SLC36A1: variants seen among roughly 807,000 people sequenced by gnomAD.
The protein encoded by SLC36A1 is solute carrier family 36 member 1, also known as proton-coupled amino acid transporter 1.
A neutral mutation model predicts 47.5 loss-of-function variants in SLC36A1; 30 were observed. The observed-to-expected ratio is 0.63, with a 90% CI of 0.47 to 0.86. The LOEUF is 0.86. Among genes scored for constraint, SLC36A1 ranks in the 40% least tolerant of loss-of-function variants. The pLI is 0.00. For synonymous variants in SLC36A1, 255 were observed against 249.7 expected (o/e 1.02, Z -0.20); for missense variants, 517 against 606.0 (o/e 0.85, Z 1.54).
chr5:151,366,368 G>A, the SLC36A1 span: 1 of 170,704 alleles, frequency 5.9e-6, no homozygotes, highest in Non-Finnish European at 1.3e-5. Context: ...AGCGGGAAAT[G>A]TTGAGTTGAA....
rs1759831313 is a variant in SLC36A1, at chr5:151,488,280, C to T, written c.*26C>T. 6.2e-7 allele frequency: 1 copy of T among 1,608,482 alleles called. No homozygotes were observed. On this transcript the variant is annotated 3_prime_UTR_variant, in exon 11 of 11. Transcript: ENST00000243389. Reference sequence around the variant, plus strand: ...GGATCTGGGTTCGTCTCTGCAGCTGCCTACCCCTGCCCCATGTGTCCCCCG... The same window carrying T: ...GGATCTGGGTTCGTCTCTGCAGCTGTCTACCCCTGCCCCATGTGTCCCCCG...
At chr5:151,362,794 C>G in the SLC36A1 span, among the ~76,000 whole-genome samples, 23,571 of 152,196 alleles carry the variant, frequency 0.15, 5,171 homozygotes, top group African/African-American at 0.49. Flanking sequence ...CTAAATATCT[C>G]AATCTCTTTG....
the SLC36A1 span, among the ~76,000 whole-genome samples, chr5:151,375,564 AT>A: frequency 6.6e-6 from 1 of 152,138 alleles, no homozygotes; most frequent in South Asian, 2.1e-4. Context: ...GGGGTTCCAT[AT>A]AAATTTTAAG....
chr5:151,546,057 A>G, the SLC36A1 span: 3 of 1,614,224 alleles, frequency 1.9e-6, no homozygotes, highest in South Asian at 2.2e-5. Flanking sequence ...ACTCATAGGT[A>G]ACTTCAGAGG....
chr5:151,545,046 C>T, the SLC36A1 span: 72 of 1,614,182 alleles, frequency 4.5e-5, 1 homozygote, highest in Admixed American at 5.2e-4. Flanking sequence ...CCCGGTCAAA[C>T]GCCACACCTC....
the SLC36A1 span, among the ~76,000 whole-genome samples, chr5:151,396,393 GC>G: frequency 6.6e-6 from 1 of 152,086 alleles, no homozygotes; most frequent in Non-Finnish European, 1.5e-5. Context: ...GAGCCACCAT[GC>G]CCGGCCTTCT....
At chr5:151,492,417 T>TTTTC, downstream of SLC36A1, 1 of 151,832 alleles carries the variant, frequency 6.6e-6, no homozygotes, top group Non-Finnish European at 1.5e-5. Flanking sequence ...TTTCTTTTTA[T>TTTTC]ATCACTCAGA....
chr5:151,379,690 C>A, the SLC36A1 span, among the ~76,000 whole-genome samples: 1 of 152,168 alleles, frequency 6.6e-6, no homozygotes, highest in Non-Finnish European at 1.5e-5. Context: ...TAAATTTTAA[C>A]ATTATATTTA....
chr5:151,437,917 T>G (rs1430585208), intron 1 of SLC36A1, among the ~76,000 whole-genome samples: 1 of 152,152 alleles, frequency 6.6e-6, no homozygotes, highest in Non-Finnish European at 1.5e-5. Flanking sequence ...TCTAGAGGCC[T>G]CCTGCGTTTC....
At chr5:151,372,403 G>T in the SLC36A1 span, among the ~76,000 whole-genome samples, 1 of 151,800 alleles carries the variant, frequency 6.6e-6, no homozygotes, top group South Asian at 2.1e-4. Context: ...ATGGAAATGT[G>T]AGTAATAAAA....
At chr5:151,417,809 G>A in the SLC36A1 span, among the ~76,000 whole-genome samples, 6 of 152,342 alleles carry the variant, frequency 3.9e-5, no homozygotes, top group African/African-American at 1.4e-4. Context: ...TAAGCAATAA[G>A]GAGCCAAATG....
At chr5:151,417,458 A>AT in the SLC36A1 span, among the ~76,000 whole-genome samples, 1 of 152,064 alleles carries the variant, frequency 6.6e-6, no homozygotes, top group East Asian at 1.9e-4. Context: ...CCACGAAACC[A>AT]TTTTTTCCTC....
chr5:151,507,834 C>T, the SLC36A1 span, among the ~76,000 whole-genome samples: 2 of 152,164 alleles, frequency 1.3e-5, no homozygotes, highest in Non-Finnish European at 2.9e-5. Context: ...CCATTAGGAT[C>T]TGGGAATGTC....
the SLC36A1 span, among the ~76,000 whole-genome samples, chr5:151,416,653 A>T: frequency 2.0e-5 from 3 of 152,168 alleles, no homozygotes; most frequent in African/African-American, 7.2e-5. Flanking sequence ...TCAGGGTGTC[A>T]GGGTGTCAGG....
the SLC36A1 span, among the ~76,000 whole-genome samples, chr5:151,349,217 A>G: frequency 6.6e-6 from 1 of 152,136 alleles, no homozygotes; most frequent in South Asian, 2.1e-4. Context: ...CTTCCTCTCC[A>G]GGTTTTGAGA....
At chr5:151,454,814 A>G (rs915814631) in intron 1 of SLC36A1, among the ~76,000 whole-genome samples, 16 of 146,578 alleles carry the variant, frequency 1.1e-4, no homozygotes, top group Non-Finnish European at 2.2e-4. Flanking sequence ...CCGGGTTCAC[A>G]CCATTCTCCT....
the SLC36A1 span, among the ~76,000 whole-genome samples, chr5:151,402,094 T>G: frequency 6.6e-6 from 1 of 152,238 alleles, no homozygotes; most frequent in Non-Finnish European, 1.5e-5. Context: ...TTTCGGCTTT[T>G]GCCCATTCAG....
chr5:151,511,859 G>A, the SLC36A1 span: 1 of 343,634 alleles, frequency 2.9e-6, no homozygotes, highest in Non-Finnish European at 5.3e-6. Context: ...ATGAGAAGGA[G>A]ACTGTGCATA....
the SLC36A1 span, among the ~76,000 whole-genome samples, chr5:151,424,107 C>T: frequency 1.4e-4 from 22 of 152,304 alleles, no homozygotes; most frequent in South Asian, 4.1e-4. Context: ...CCATGGCAGG[C>T]GGGGCTGCCT....
Sources: gnomAD v4.1 joint callset for allele counts (sites outside exome capture counted in the v4.1 genomes callset) on GRCh38, gnomAD v4.1.1 for gene constraint, MANE v1.5 for transcripts, NCBI Gene and HGNC (gene_info 2026-07-23, HGNC 2026-07-21) for gene names.